Variants in NSMCE1 observed in about 807,000 individuals in gnomAD.
NSMCE1 encodes the protein NSE1 component of SMC5/6 complex.
In NSMCE1, 18 loss-of-function variants were observed where a neutral mutation model predicts 29.6. The ratio of observed to expected loss-of-function variants is 0.61; its 90% CI spans 0.42 to 0.90. The LOEUF is 0.90. Among genes scored for constraint, NSMCE1 ranks in the 40% least tolerant of loss-of-function variants. The pLI is 0.00. For synonymous variants in NSMCE1, 124 were observed against 133.4 expected, an observed-to-expected ratio of 0.93 and a Z score of 0.49; for missense variants, 314 against 343.6, an observed-to-expected ratio of 0.91 and a Z score of 0.68.
chr16:27,231,577 C>T (rs1473083909), intron 5 of NSMCE1, among the ~76,000 whole-genome samples: 2 of 151,110 alleles, frequency 1.3e-5, no homozygotes, highest in South Asian at 2.1e-4. Flanking sequence ...GTTGAGGTTG[C>T]GGTGAGCCAA....
intron 4 of NSMCE1, among the ~76,000 whole-genome samples, chr16:27,233,425 G>C (rs1010204170): frequency 6.6e-6 from 1 of 152,152 alleles, no homozygotes; most frequent in African/African-American, 2.4e-5. Flanking sequence ...GGCTGGCCTC[G>C]GAGGCAGTGA....
intron 2 of NSMCE1, chr16:27,241,800 T>A: frequency 2.2e-6 from 1 of 451,414 alleles, no homozygotes; most frequent in South Asian, 1.6e-5. Flanking sequence ...GCTCCTCACC[T>A]CTCAGCAGAC....
chr16:27,232,867 A>G lies in NSMCE1; in HGVS notation c.483+134T>C, dbSNP rs150311597. 3.5e-3 allele frequency: 3,026 copies of G among 859,504 alleles called. 9 individuals are homozygous for G. Among genetic ancestry groups the G allele is most frequent in the Middle Eastern group, 5.2e-3 (21 of 4,076 alleles). 53.2% of individuals were successfully genotyped at this position (859,504 alleles called of 1,614,324 possible). The stretch of plus-strand genomic sequence containing the variant: ...TCCTCCCCACGGGGTCACTGCTGGA[A>G]TGCATGAAAGCAGATAAGGGATCCG... On this transcript the variant is annotated intron_variant, in intron 5 of 7. Coordinates refer to ENST00000361439, the MANE Select transcript of NSMCE1 (RefSeq NM_145080.4). The surrounding 1 kb of genome is among the most constrained non-coding windows in gnomAD (Gnocchi z 4.5).
chr16:27,235,255 T>TA lies in NSMCE1; in HGVS notation c.180dup (p.Asn61Ter), dbSNP rs770615099. On this transcript the variant is annotated frameshift_variant, in exon 3 of 8. Coordinates refer to ENST00000361439, the MANE Select transcript of NSMCE1 (RefSeq NM_145080.4). LOFTEE classifies it high-confidence loss of function. ...ATATACAAGGACTCCAAGACACTGT[T>TA]AATGTTGTTGATGAAGTCCTCCAAC... 1.4e-5 allele frequency: 23 copies of TA among 1,613,586 alleles called. No homozygotes were observed. The Admixed American group carries it at 3.5e-4, about 25-fold the overall frequency.
chr16:27,238,266 GC>G (rs1430269438), intron 2 of NSMCE1, among the ~76,000 whole-genome samples: 3 of 152,196 alleles, frequency 2.0e-5, no homozygotes, highest in Admixed American at 2.0e-4. Context: ...CTCGCCTCCA[GC>G]CTCACACATG....
rs371711009 is a variant in NSMCE1, at chr16:27,235,288, C to T, written c.148G>A (p.Val50Ile). The T allele has an allele frequency of 3.2e-5, 52 of 1,613,250 alleles. No individual in the cohort carries two copies. In the South Asian group the frequency reaches 3.8e-4, roughly 12 times the overall value. ...CYKVHDRNAT[V>I]DKLEDFINNI... ...TTGATGAAGTCCTCCAACTTATCTA[C>T]GGTGGCATTGCCTGGAAATAAACAG... is the stretch of plus-strand genomic sequence containing the variant. The change falls in exon 3 of 8, where the codon GTA becomes ATA. Residue 50 changes from valine (V) to isoleucine (I), a missense_variant. Physicochemically the swap from Val to Ile is conservative, Grantham distance 29. Transcript: ENST00000361439.
At chr16:27,244,645 A>T (rs1208851857) in intron 2 of NSMCE1, among the ~76,000 whole-genome samples, 1 of 138,050 alleles carries the variant, frequency 7.2e-6, no homozygotes, top group Non-Finnish European at 1.6e-5. Flanking sequence ...ATCGCCACAT[A>T]TGGCAGCTCC....
chr16:27,257,167 G>A (rs898986284), intron 2 of NSMCE1, among the ~76,000 whole-genome samples: 4 of 152,142 alleles, frequency 2.6e-5, no homozygotes, highest in African/African-American at 4.8e-5. Flanking sequence ...ACTGAGGCTG[G>A]GGCAGGTCCT....
At chr16:27,254,697 T>C (rs2084067094) in intron 2 of NSMCE1, among the ~76,000 whole-genome samples, 1 of 152,128 alleles carries the variant, frequency 6.6e-6, no homozygotes, top group African/African-American at 2.4e-5. Flanking sequence ...GCGATCCTCC[T>C]GCCTCAGCTT....
intron 2 of NSMCE1, among the ~76,000 whole-genome samples, chr16:27,254,451 A>C (rs1448837253): frequency 6.6e-6 from 1 of 152,250 alleles, no homozygotes; most frequent in Non-Finnish European, 1.5e-5. Flanking sequence ...CTTAGTACCA[A>C]GGCATCATGT....
At chr16:27,256,269 C>T (rs980069400) in intron 2 of NSMCE1, among the ~76,000 whole-genome samples, 2 of 152,114 alleles carry the variant, frequency 1.3e-5, no homozygotes, top group African/African-American at 4.8e-5. Flanking sequence ...AGGTGACAAC[C>T]AGTAGACTAC....
Position 27,233,055 on chromosome 16 carries a change from C to A in NSMCE1, c.429G>T (p.Lys143Asn). ...VDQLKGKKMR[K>N]KEAEQVLQKF... ...TCTGCAGCACCTGCTCCGCTTCCTT[C>A]TTCCTCATCTTCTTGCCTTTAAGTT... The change falls in exon 5 of 8, where the codon AAG (lysine) becomes AAT (asparagine). Residue 143 changes from lysine to asparagine, a missense_variant. By Grantham distance (94) the Lys-to-Asn change is moderately conservative. Transcript: ENST00000361439. 1 of 1,614,058 alleles carries A rather than the reference C, an allele frequency of 6.2e-7. No individual in the cohort carries two copies. The highest frequency in any genetic ancestry group is 8.5e-7 in the Non-Finnish European group (1 of 1,179,952).
At chr16:27,258,844 G>A (rs1465934781) in intron 1 of NSMCE1, among the ~76,000 whole-genome samples, 2 of 151,020 alleles carry the variant, frequency 1.3e-5, no homozygotes, top group South Asian at 2.1e-4. Context: ...TCTGCCTCCC[G>A]GGTTCCAGTG....
At chr16:27,244,238 G>A (rs1404199082) in intron 2 of NSMCE1, among the ~76,000 whole-genome samples, 5 of 152,260 alleles carry the variant, frequency 3.3e-5, no homozygotes, top group Admixed American at 6.5e-5. Flanking sequence ...CTTTATCCGT[G>A]GAGGACTCAA....
At chr16:27,265,161 C>CTTTTTTTTTTTTTT (rs5816427) in intron 1 of NSMCE1, among the ~76,000 whole-genome samples, 1 of 82,672 alleles carries the variant, frequency 1.2e-5, no homozygotes, top group African/African-American at 4.8e-5. Context: ...AATTCTTTTC[C>CTTTTTTTTTTTTTT]TTTTTTTTTT....
At chr16:27,251,187 T>TATAA (rs1555477397) in intron 2 of NSMCE1, among the ~76,000 whole-genome samples, 2 of 52,806 alleles carry the variant, frequency 3.8e-5, no homozygotes, top group Non-Finnish European at 6.1e-5. Flanking sequence ...TATATATATA[T>TATAA]ATAAATATAT....
intron 2 of NSMCE1, among the ~76,000 whole-genome samples, chr16:27,240,747 A>T (rs894543691): frequency 1.3e-5 from 2 of 152,182 alleles, no homozygotes; most frequent in Non-Finnish European, 2.9e-5. Context: ...TTTTGGACTA[A>T]TTCTGTATAC....
intron 2 of NSMCE1, among the ~76,000 whole-genome samples, chr16:27,237,819 G>A (rs201565333): frequency 1.0e-3 from 159 of 152,238 alleles, no homozygotes; most frequent in Middle Eastern, 3.4e-3. Context: ...CTGGTTTGGC[G>A]TCCAGCCTCA....
At chr16:27,248,661 G>A (rs555164059) in intron 2 of NSMCE1, among the ~76,000 whole-genome samples, 11 of 151,800 alleles carry the variant, frequency 7.2e-5, no homozygotes, top group Non-Finnish European at 1.0e-4. Context: ...CACCCACCTC[G>A]GCCTCCCAAA....
Sources: gnomAD v4.1 joint callset for allele counts (sites outside exome capture counted in the v4.1 genomes callset) on GRCh38, gnomAD v4.1.1 for gene constraint, Gnocchi (gnomAD v3.1) non-coding constraint, MANE v1.5 for transcripts, NCBI Gene and HGNC (gene_info 2026-07-23, HGNC 2026-07-21) for gene names.